SCIN: variants seen among roughly 807,000 people sequenced by gnomAD.
SCIN encodes the protein scinderin.
Under a neutral mutation model 91.8 loss-of-function variants are expected in SCIN, and 91 were observed. The ratio of observed to expected loss-of-function variants is 0.99; its 90% CI spans 0.84 to 1.18. The LOEUF (loss-of-function observed/expected upper bound fraction) is 1.18. Ranked by LOEUF, SCIN falls within the 50% of genes most tolerant of loss-of-function variation. The pLI is 0.00. For missense variants in SCIN, 1,087 were observed against 863.9 expected, an observed-to-expected ratio of 1.26 and a Z score of -3.24; for synonymous variants, 367 against 312.6, an observed-to-expected ratio of 1.17 and a Z score of -1.84.
intron 3 of SCIN, among the ~76,000 whole-genome samples, chr7:12,597,163 C>G (rs1383539346): frequency 6.6e-6 from 1 of 152,076 alleles, no homozygotes; most frequent in African/African-American, 2.4e-5. Flanking sequence ...TATTCAAAAA[C>G]GAGATGTCAT....
intron 3 of SCIN, 82 bp downstream of exon 3, chr7:12,581,303 G>A: frequency 7.2e-7 from 1 of 1,395,104 alleles, no homozygotes; most frequent in African/African-American, 1.4e-5. Context: ...TCATTGAAAA[G>A]AATCACTTTT....
intron 6 of SCIN, 59 bp downstream of exon 6, chr7:12,625,201 G>A (rs1034014363): frequency 2.4e-5 from 32 of 1,359,866 alleles, no homozygotes; most frequent in Middle Eastern, 1.9e-4. Flanking sequence ...CTCTATAAGG[G>A]TAAATAAAAT....
intron 3 of SCIN, 103 bp downstream of exon 3, chr7:12,581,324 A>G: frequency 8.6e-7 from 1 of 1,159,304 alleles, no homozygotes; most frequent in South Asian, 1.6e-5. Flanking sequence ...TCTACACACC[A>G]GAAAGGGGCC....
At chr7:12,598,300 G>A (rs534194642) in intron 3 of SCIN, among the ~76,000 whole-genome samples, 47 of 152,148 alleles carry the variant, frequency 3.1e-4, no homozygotes, top group African/African-American at 1.1e-3. Context: ...TAAGAACAGA[G>A]TTTTTTTCAA....
chr7:12,588,547 G>C (rs1246483333), intron 3 of SCIN, among the ~76,000 whole-genome samples: 1 of 152,006 alleles, frequency 6.6e-6, no homozygotes, highest in Admixed American at 6.5e-5. Flanking sequence ...GCAGCCCTGA[G>C]CTTACAAAAT....
At chr7:12,614,330 T>G in intron 4 of SCIN, among the ~76,000 whole-genome samples, 1 of 152,184 alleles carries the variant, frequency 6.6e-6, no homozygotes, top group Non-Finnish European at 1.5e-5. Context: ...GAAATGGATT[T>G]TAATTGCTGC....
chr7:12,594,821 G>A (rs1446229801), intron 3 of SCIN, among the ~76,000 whole-genome samples: 1 of 152,130 alleles, frequency 6.6e-6, no homozygotes, highest in Non-Finnish European at 1.5e-5. Context: ...GGAACCAGAG[G>A]CCTGGAGGCC....
chr7:12,616,188 A>G (rs888035647), intron 4 of SCIN, among the ~76,000 whole-genome samples: 3 of 152,122 alleles, frequency 2.0e-5, no homozygotes, highest in African/African-American at 7.2e-5. Context: ...TGAGACTAAT[A>G]ATGTTACCAG....
At chr7:12,610,956 C>T (rs1395718504) in intron 4 of SCIN, 1 of 152,190 alleles carries the variant, frequency 6.6e-6, no homozygotes, top group African/African-American at 2.4e-5. Flanking sequence ...TACCTTACGT[C>T]CCTCTCAGGT....
intron 3 of SCIN, among the ~76,000 whole-genome samples, chr7:12,583,594 A>T (rs1006477694): frequency 6.6e-6 from 1 of 152,188 alleles, no homozygotes; most frequent in African/African-American, 2.4e-5. Context: ...TTCAGAACTG[A>T]TGATGCTTAA....
chr7:12,605,395 T>A (rs2115251307), intron 4 of SCIN, among the ~76,000 whole-genome samples: 1 of 152,248 alleles, frequency 6.6e-6, no homozygotes, highest in Middle Eastern at 3.4e-3. Flanking sequence ...AATTTTAAAA[T>A]TAACAGTTGC....
At chr7:12,601,693 G>A (rs1562607923) in intron 3 of SCIN, among the ~76,000 whole-genome samples, 1 of 152,132 alleles carries the variant, frequency 6.6e-6, no homozygotes, top group Non-Finnish European at 1.5e-5. Context: ...AGTAAACATT[G>A]AAGGCTTTCT....
At chr7:12,637,917 A>G (rs575075399) in intron 10 of SCIN, among the ~76,000 whole-genome samples, 3 of 152,188 alleles carry the variant, frequency 2.0e-5, no homozygotes, top group Non-Finnish European at 2.9e-5. Context: ...TTTATTTATT[A>G]TAAAACTTTA....
intron 9 of SCIN, among the ~76,000 whole-genome samples, chr7:12,633,615 A>G (rs1783688226): frequency 6.6e-6 from 1 of 152,220 alleles, no homozygotes. Flanking sequence ...AAAAAATAAA[A>G]GGAGCAAAAT....
chr7:12,645,994 T>A (rs2115300220), intron 13 of SCIN, among the ~76,000 whole-genome samples: 1 of 152,302 alleles, frequency 6.6e-6, no homozygotes, highest in Non-Finnish European at 1.5e-5. Context: ...CATGTCAATT[T>A]CCCAGCGGAG....
chr7:12,652,888 G>C lies in SCIN; in HGVS notation c.*173G>C, dbSNP rs1030461485. 1.4e-6 allele frequency: 1 copy of C among 701,796 alleles called. No individual in the cohort carries two copies. The allele number at this position is 701,796 out of a possible 1,614,324, so 43.5% of individuals were successfully genotyped here. On this transcript the variant is annotated 3_prime_UTR_variant, in exon 16 of 16. Transcript: ENST00000297029. ...AGAGGATGAGGTAGGCGGATCACTG[G>C]GGTCAGGATTTCGAGACCAGCCTGG...
intron 4 of SCIN, among the ~76,000 whole-genome samples, chr7:12,619,104 A>T (rs1271670946): frequency 6.6e-6 from 1 of 152,110 alleles, no homozygotes; most frequent in African/African-American, 2.4e-5. Context: ...TGCTGGGAGC[A>T]CATAAGACCC....
chr7:12,638,052 T>C (rs1293420832), intron 10 of SCIN, among the ~76,000 whole-genome samples: 1 of 152,192 alleles, frequency 6.6e-6, no homozygotes, highest in Non-Finnish European at 1.5e-5. Flanking sequence ...CTCCTCCTTT[T>C]ATATTTATGG....
Position 12,646,048 on chromosome 7 carries a change from ATAT to A in SCIN, c.1881+1347_1881+1349del, listed in dbSNP as rs374855721. Among the ~76,000 whole-genome samples, 5 of 152,350 alleles carry A rather than the reference ATAT, an allele frequency of 3.3e-5. No individual in the cohort carries two copies. The South Asian group carries it at 1.0e-3, about 32-fold the overall frequency. On this transcript the variant is annotated intron_variant, in intron 13 of 15. Transcript: ENST00000297029. Reference sequence around the variant, plus strand: ...TGACTGAATTAAAAATATTATGGAAATATTATGATCATTGGGCAAAAATCACAG... The same window carrying A: ...TGACTGAATTAAAAATATTATGGAAATATGATCATTGGGCAAAAATCACAG...
Sources: gnomAD v4.1 joint callset for allele counts (sites outside exome capture counted in the v4.1 genomes callset) on GRCh38, gnomAD v4.1.1 for gene constraint, MANE v1.5 for transcripts, NCBI Gene and HGNC (gene_info 2026-07-23, HGNC 2026-07-21) for gene names.